IL1RAPL2: variants seen among roughly 807,000 people sequenced by gnomAD.
The protein encoded by IL1RAPL2 is X-linked interleukin-1 receptor accessory protein-like 2.
A neutral mutation model predicts 44.1 loss-of-function variants in IL1RAPL2; 3 were observed. The observed-to-expected ratio is 0.07, with a 90% CI of 0.03 to 0.18. IL1RAPL2 has a LOEUF of 0.18. Among genes scored for constraint, IL1RAPL2 ranks in the 10% least tolerant of loss-of-function variants. IL1RAPL2 has a pLI of 1.00. For synonymous variants in IL1RAPL2, 181 were observed against 178.8 expected (o/e 1.01, Z -0.10); for missense variants, 391 against 496.4 (o/e 0.79, Z 2.02).
chrX:105,536,687 C>T lies in IL1RAPL2; in HGVS notation c.772+52300C>T, dbSNP rs182072267. ...CCCTTGAAGGAATCATATTATTTTG[C>T]ACTCTTACCAGCAACACATGAGAGT... is the stretch of plus-strand genomic sequence containing the variant. On this transcript the variant is annotated intron_variant, in intron 6 of 10. Coordinates refer to ENST00000372582, the MANE Select transcript of IL1RAPL2 (RefSeq NM_017416.2). Among the ~76,000 whole-genome samples, 129 of 111,646 alleles carry T rather than the reference C, an allele frequency of 1.2e-3. 2 individuals carry two copies. In the East Asian group the frequency reaches 0.022, roughly 19 times the overall value.
At chrX:104,796,755 G>A (rs1336799803) in intron 2 of IL1RAPL2, among the ~76,000 whole-genome samples, 1 of 110,810 alleles carries the variant, frequency 9.0e-6, no homozygotes, top group Non-Finnish European at 1.9e-5. Flanking sequence ...AGTGTTTTTT[G>A]GTTCTTTTTT....
intron 2 of IL1RAPL2, among the ~76,000 whole-genome samples, chrX:105,154,465 G>C (rs1246021292): frequency 9.0e-6 from 1 of 111,268 alleles, no homozygotes; most frequent in African/African-American, 3.3e-5. Flanking sequence ...GTCCCATTTT[G>C]TCCTCTCCTA....
At chrX:105,426,423 C>T (rs904638790) in intron 5 of IL1RAPL2, among the ~76,000 whole-genome samples, 3 of 110,947 alleles carry the variant, frequency 2.7e-5, no homozygotes, top group Non-Finnish European at 3.8e-5. Flanking sequence ...TTGGCAACTT[C>T]TCATCTTTCT....
intron 2 of IL1RAPL2, among the ~76,000 whole-genome samples, chrX:104,704,613 C>T (rs1165428846): frequency 9.0e-6 from 1 of 110,979 alleles, no homozygotes; most frequent in Non-Finnish European, 1.9e-5. Flanking sequence ...AACGTAGTCT[C>T]TATGAAAAAT....
At chrX:105,688,383 A>G (rs2038003189) in intron 6 of IL1RAPL2, among the ~76,000 whole-genome samples, 1 of 112,195 alleles carries the variant, frequency 8.9e-6, no homozygotes, top group Non-Finnish European at 1.9e-5. Context: ...GTCTCAGGAT[A>G]CAAAATCAAT....
At chrX:105,157,752 C>T (rs1436943445) in intron 2 of IL1RAPL2, among the ~76,000 whole-genome samples, 1 of 112,273 alleles carries the variant, frequency 8.9e-6, no homozygotes, top group Non-Finnish European at 1.9e-5. Flanking sequence ...AGTATTATTT[C>T]TTATTGAATG....
At chrX:105,548,616 A>T (rs969463688) in intron 6 of IL1RAPL2, among the ~76,000 whole-genome samples, 2 of 111,733 alleles carry the variant, frequency 1.8e-5, no homozygotes, top group African/African-American at 6.5e-5. Flanking sequence ...AGCAAATCCA[A>T]ATCCCTCTTT....
intron 2 of IL1RAPL2, among the ~76,000 whole-genome samples, chrX:104,783,053 G>A (rs1412652820): frequency 1.8e-5 from 2 of 112,018 alleles, no homozygotes; most frequent in African/African-American, 3.2e-5. Context: ...TTTGGTGCAA[G>A]TGCAAATACT....
chrX:105,431,603 C>G (rs770386877), intron 5 of IL1RAPL2, among the ~76,000 whole-genome samples: 2 of 111,305 alleles, frequency 1.8e-5, no homozygotes. Flanking sequence ...AAAATCTCTT[C>G]TAGCTGCTCA....
intron 2 of IL1RAPL2, among the ~76,000 whole-genome samples, chrX:104,764,194 A>T (rs1433989813): frequency 1.1e-5 from 1 of 87,179 alleles, no homozygotes; most frequent in Non-Finnish European, 2.5e-5. Flanking sequence ...ATCTATGAAC[A>T]TGGAATTTTT....
chrX:105,221,295 C>G (rs1223776937), intron 3 of IL1RAPL2, among the ~76,000 whole-genome samples: 1 of 110,354 alleles, frequency 9.1e-6, no homozygotes, highest in Non-Finnish European at 1.9e-5. Flanking sequence ...ATTCACATTT[C>G]ATACATGTCC....
At chrX:105,099,171 CATTAAGTACA>C (rs1473639029) in intron 2 of IL1RAPL2, among the ~76,000 whole-genome samples, 1 of 112,232 alleles carries the variant, frequency 8.9e-6, no homozygotes, top group Non-Finnish European at 1.9e-5. Context: ...ACACATAATT[CATTAAGTACA>C]ATTTTTTGTA....
chrX:105,107,837 T>C (rs183481177), intron 2 of IL1RAPL2, among the ~76,000 whole-genome samples: 81 of 111,969 alleles, frequency 7.2e-4, no homozygotes, highest in African/African-American at 2.5e-3. Context: ...ATGAAACCAA[T>C]GGTCACTTCT....
At chrX:105,353,202 T>G (rs1216553204) in intron 5 of IL1RAPL2, among the ~76,000 whole-genome samples, 2 of 111,789 alleles carry the variant, frequency 1.8e-5, no homozygotes, top group Non-Finnish European at 3.8e-5. Flanking sequence ...TTTCCCCATT[T>G]CTTGTTTTTG....
At chrX:104,686,153 C>A (rs1930983839) in intron 2 of IL1RAPL2, among the ~76,000 whole-genome samples, 1 of 110,547 alleles carries the variant, frequency 9.0e-6, no homozygotes. Context: ...TCAGAGAGAA[C>A]ATTTTGTGTA....
chrX:105,014,128 A>G (rs140442403), intron 2 of IL1RAPL2, among the ~76,000 whole-genome samples: 4,302 of 111,518 alleles, frequency 0.039, 229 homozygotes, highest in African/African-American at 0.13. Flanking sequence ...GGTTTTTTTT[A>G]GCCCTTGATG....
At chrX:104,622,798 C>G (rs1301504013) in intron 1 of IL1RAPL2, among the ~76,000 whole-genome samples, 1 of 112,049 alleles carries the variant, frequency 8.9e-6, no homozygotes, top group Non-Finnish European at 1.9e-5. Flanking sequence ...GAGGGCAGAA[C>G]TCACTCTCAA....
chrX:104,760,068 T>A (rs1932401718), intron 2 of IL1RAPL2, among the ~76,000 whole-genome samples: 1 of 112,034 alleles, frequency 8.9e-6, no homozygotes. Context: ...TGTGCCTGCT[T>A]ATTTCATTTA....
intron 6 of IL1RAPL2, among the ~76,000 whole-genome samples, chrX:105,579,208 GA>G (rs2037071460): frequency 9.0e-6 from 1 of 110,954 alleles, no homozygotes; most frequent in Non-Finnish European, 1.9e-5. Context: ...TCACTTTCAA[GA>G]AAAAAATATC....
Sources: gnomAD v4.1 joint callset for allele counts (sites outside exome capture counted in the v4.1 genomes callset) on GRCh38, gnomAD v4.1.1 for gene constraint, MANE v1.5 for transcripts, NCBI Gene and HGNC (gene_info 2026-07-23, HGNC 2026-07-21) for gene names.